ATP6V1D: variants seen among roughly 807,000 people sequenced by gnomAD.
The protein encoded by ATP6V1D is ATPase H+ transporting V1 subunit D.
ATP6V1D carries 20 observed loss-of-function variants against 39.4 expected under a neutral mutation model. The observed-to-expected ratio is 0.51, with a 90% confidence interval of 0.36 to 0.74. ATP6V1D has a LOEUF of 0.74. ATP6V1D is among the 30% of genes least tolerant of loss of function. The probability of loss-of-function intolerance (pLI) is 0.00; values close to 1 mark genes in which losing one functional copy is unlikely to be tolerated. For missense variants in ATP6V1D, 228 were observed against 291.6 expected, an observed-to-expected ratio of 0.78 and a Z score of 1.59; for synonymous variants, 100 against 100.5, an observed-to-expected ratio of 0.99 and a Z score of 0.03.
chr14:67,350,558 T>C, intron 3 of ATP6V1D, 53 bp downstream of exon 3: 1 of 1,462,794 alleles, frequency 6.8e-7, no homozygotes, highest in South Asian at 1.2e-5. Flanking sequence ...AATGAAATTA[T>C]GAGACTGAAA....
chr14:67,348,810 G>A (rs1488905151), intron 4 of ATP6V1D: 9 of 429,874 alleles, frequency 2.1e-5, no homozygotes, highest in Admixed American at 7.7e-5. Context: ...ATGAGCCACC[G>A]TGCCCAGCCG....
intron 4 of ATP6V1D, among the ~76,000 whole-genome samples, chr14:67,348,516 CTTTA>C (rs900503292): frequency 2.7e-5 from 4 of 149,006 alleles, no homozygotes; most frequent in Non-Finnish European, 1.5e-5. Flanking sequence ...AACCTGACTT[CTTTA>C]TTTTTTTATT....
chr14:67,340,413 GATC>G (rs1262216165), intron 8 of ATP6V1D, 24 bp downstream of exon 8: 3 of 1,592,550 alleles, frequency 1.9e-6, no homozygotes, highest in African/African-American at 1.3e-5. Flanking sequence ...AACAAAAGAT[GATC>G]AATAACTGCC....
intron 3 of ATP6V1D, among the ~76,000 whole-genome samples, chr14:67,349,857 A>G (rs1443810834): frequency 1.3e-5 from 2 of 152,198 alleles, no homozygotes; most frequent in Non-Finnish European, 2.9e-5. Flanking sequence ...ATGAAAGCCT[A>G]CCACTTCAAA....
At position 67,338,400 on chromosome 14, in the gene ATP6V1D, G is replaced by GT. The variant is rs755075761; in HGVS notation, c.*220dup. 4.1e-6 allele frequency: 2 copies of GT among 484,794 alleles called. No individual in the cohort carries two copies. The highest frequency in any genetic ancestry group is 3.9e-5 in the African/African-American group (2 of 50,990). The allele number at this position is 484,794 out of a possible 1,614,324, so 30.0% of individuals were successfully genotyped here. A position where few individuals can be genotyped will look rare whatever the true frequency, so the allele number is the denominator to read the frequency against. ...ATAACGCTTCTGCAAAGTAAATTCT[G>GT]TAAGTTCCTGGGCAGGTTTTACAGA... On this transcript the variant is annotated 3_prime_UTR_variant, in exon 9 of 9. Coordinates refer to ENST00000216442, the MANE Select transcript of ATP6V1D (RefSeq NM_015994.4).
At position 67,355,449 on chromosome 14, in the gene ATP6V1D, CAAAAAAA is replaced by C. The variant is rs564931669; in HGVS notation, c.42-2416_42-2410del. The stretch of plus-strand genomic sequence containing the variant: ...AGGATGTAGAAGTAAGACCCTGTCT[CAAAAAAA>C]AAAAAAAAAAAAAAAAAAAAAAAAG... On this transcript the variant is annotated intron_variant, in intron 1 of 8. Coordinates refer to ENST00000216442, the MANE Select transcript of ATP6V1D (RefSeq NM_015994.4). 4.7e-4 allele frequency among the ~76,000 whole-genome samples: 9 copies of C among 18,956 alleles called. 1 individual carries two copies. Among genetic ancestry groups the C allele is most frequent in the Non-Finnish European group, 8.7e-4 (8 of 9,174 alleles). 12.4% of individuals were successfully genotyped at this position (18,956 alleles called of 152,430 possible). A position where few individuals can be genotyped will look rare whatever the true frequency, so the allele number is the denominator to read the frequency against.
At chr14:67,342,202 AAATAAAT>A (rs2085589370) in intron 7 of ATP6V1D, among the ~76,000 whole-genome samples, 5 of 149,260 alleles carry the variant, frequency 3.3e-5, no homozygotes, top group Non-Finnish European at 5.9e-5. Context: ...ATAAATAAAT[AAATAAAT>A]AAATAAAATA....
intron 8 of ATP6V1D, among the ~76,000 whole-genome samples, chr14:67,339,654 G>A (rs555314983): frequency 4.4e-4 from 67 of 152,194 alleles, no homozygotes; most frequent in Non-Finnish European, 7.6e-4. Context: ...CTCTAATGGC[G>A]TGATTTATAT....
chr14:67,358,919 T>A (rs2141118245), intron 1 of ATP6V1D, among the ~76,000 whole-genome samples: 1 of 152,304 alleles, frequency 6.6e-6, no homozygotes, highest in East Asian at 1.9e-4. Flanking sequence ...TATTTTTTTG[T>A]GGACCTTCTA....
In ATP6V1D at chr14:67,350,377, T is replaced by G. The variant is rs111622938; in HGVS notation, c.239+234A>C. On this transcript the variant is annotated intron_variant, in intron 3 of 8. Transcript: ENST00000216442. Reference sequence around the variant, plus strand: ...AAGGAAAAATGTTTATGATACAACGTTAAATGAAAATGGACTCTAAAATAC... The same window carrying G: ...AAGGAAAAATGTTTATGATACAACGGTAAATGAAAATGGACTCTAAAATAC... 1.5e-3 allele frequency among the ~76,000 whole-genome samples: 232 copies of G among 152,266 alleles called. 1 individual carries two copies. The highest frequency in any genetic ancestry group is 5.5e-3 in the African/African-American group (229 of 41,556).
chr14:67,350,336 C>A (rs1405585400), intron 3 of ATP6V1D, among the ~76,000 whole-genome samples: 1 of 151,956 alleles, frequency 6.6e-6, no homozygotes, highest in Non-Finnish European at 1.5e-5. Flanking sequence ...AAAGATCATA[C>A]AGCCATGTTG....
chr14:67,347,003 T>C (rs1308909223), intron 5 of ATP6V1D, among the ~76,000 whole-genome samples: 3 of 152,222 alleles, frequency 2.0e-5, no homozygotes, highest in African/African-American at 7.2e-5. Flanking sequence ...TTTTTCTTTT[T>C]TGAGACAAGG....
intron 7 of ATP6V1D, 128 bp from the exon 8 acceptor site, chr14:67,340,646 T>C: frequency 1.3e-6 from 1 of 781,332 alleles, no homozygotes; most frequent in Non-Finnish European, 2.1e-6. Context: ...GCAGAGAACT[T>C]GGAAAATAAA....
At position 67,343,453 on chromosome 14, in the gene ATP6V1D, A is replaced by G; in HGVS notation, c.457-15T>C. On this transcript the variant is annotated splice_polypyrimidine_tract_variant and intron_variant, in intron 6 of 8. Transcript: ENST00000216442. ...ACAAAAGAAGTCTAAAATAAGAACAAATTAATAATGTAAGCACAAAGTCTT... is the reference window on the plus strand; with the variant it reads ...ACAAAAGAAGTCTAAAATAAGAACAGATTAATAATGTAAGCACAAAGTCTT... The G allele has an allele frequency of 6.5e-7, 1 of 1,546,766 alleles. No individual in the cohort carries two copies. Among genetic ancestry groups the G allele is most frequent in the Non-Finnish European group, 8.9e-7 (1 of 1,119,748 alleles).
intron 6 of ATP6V1D, 87 bp downstream of exon 6, chr14:67,345,681 A>T (rs2085615089): frequency 1.7e-5 from 14 of 805,844 alleles, no homozygotes; most frequent in Non-Finnish European, 2.9e-5. Flanking sequence ...TACAAAGCAC[A>T]GTATATGCTG....
rs771311974 is a variant in ATP6V1D, at chr14:67,347,423, T to C, written c.338A>G (p.His113Arg). Residue 113 changes from histidine to arginine, a missense_variant, in exon 5 of 9, where the codon CAT (histidine) becomes CGT (arginine). By Grantham distance (29) the His-to-Arg change is conservative. Around this residue, in one of 3 missense-constraint regions of ATP6V1D, gnomAD observed 10 missense variants for 43.0 expected, o/e 0.23. Transcript: ENST00000216442. ...TTCACACTTACTGTCAGTTCCTTCA[T>C]GGTAATGTTCAAATACTGGCAAAGT... ...GVTLPVFEHYHEGTDSYELTG... is the reference protein window; with the variant it reads ...GVTLPVFEHYREGTDSYELTG... 2.5e-6 allele frequency: 4 copies of C among 1,607,726 alleles called. No homozygotes were observed. The highest frequency in any genetic ancestry group is 2.6e-6 in the Non-Finnish European group (3 of 1,174,862).
intron 4 of ATP6V1D, 23 bp from the exon 5 acceptor site, chr14:67,347,476 T>C (rs2141101343): frequency 1.9e-6 from 3 of 1,572,232 alleles, no homozygotes; most frequent in Middle Eastern, 1.7e-4. Flanking sequence ...GAAGCATACA[T>C]GGATTCATAA....
chr14:67,340,541 A>G (rs765535442), intron 7 of ATP6V1D, 23 bp from the exon 8 acceptor site: 13 of 1,579,778 alleles, frequency 8.2e-6, no homozygotes, highest in African/African-American at 1.4e-5. Flanking sequence ...AAAAAATAAT[A>G]TGTGTGAGAA....
At chr14:67,351,279 C>T (rs1267371308) in intron 2 of ATP6V1D, among the ~76,000 whole-genome samples, 5 of 152,080 alleles carry the variant, frequency 3.3e-5, no homozygotes, top group Non-Finnish European at 7.4e-5. Context: ...ACTCTACTGT[C>T]TATACAGTAC....
Sources: gnomAD v4.1 joint callset for allele counts (sites outside exome capture counted in the v4.1 genomes callset) on GRCh38, gnomAD v4.1.1 for gene constraint, gnomAD v4.1.1 regional missense constraint, MANE v1.5 for transcripts, NCBI Gene and HGNC (gene_info 2026-07-23, HGNC 2026-07-21) for gene names.